KNDC1: variants seen among roughly 807,000 people sequenced by gnomAD.
KNDC1 encodes the protein kinase non-catalytic C-lobe domain containing 1, also known as kinase non-catalytic C-lobe domain-containing protein 1.
KNDC1 carries 106 observed loss-of-function variants against 172.8 expected under a neutral mutation model. The ratio of observed to expected loss-of-function variants is 0.61; its 90% CI spans 0.52 to 0.72. The LOEUF (loss-of-function observed/expected upper bound fraction) is 0.72, where lower values mean the gene tolerates loss of function less well. Ranked by LOEUF, KNDC1 falls within the 30% of genes least tolerant of loss-of-function variation. KNDC1 has a pLI of 0.00. For synonymous variants in KNDC1, 1,083 were observed against 1,062.2 expected, an observed-to-expected ratio of 1.02 and a Z score of -0.38; for missense variants, 2,325 against 2,394.5, an observed-to-expected ratio of 0.97 and a Z score of 0.61.
chr10:133,211,951 A>C, intron 23 of KNDC1, 93 bp downstream of exon 23: 1 of 1,285,642 alleles, frequency 7.8e-7, no homozygotes, highest in South Asian at 1.4e-5. Context: ...ATGCACACAC[A>C]TACACACAAG....
Position 133,198,788 on chromosome 10 carries a change from C to A in KNDC1, c.2280C>A (p.Cys760Ter). Residue 760 changes from cysteine to a stop codon, truncating the protein, a stop_gained, in exon 14 of 30, where the codon TGC becomes TGA. Coordinates refer to ENST00000304613, the MANE Select transcript of KNDC1 (RefSeq NM_152643.8). LOFTEE classifies it high-confidence loss of function. ...GTGACTCAGCCCAGGGCCGCCCCTG[C>A]CCTCCACCCCAGGCCCCAGCAAACC... ...VQRDSAQGRP[C>*]PPPQAPANQP... 1 of 1,589,408 alleles carries A rather than the reference C, an allele frequency of 6.3e-7. No individual in the cohort carries two copies. Among genetic ancestry groups the A allele is most frequent in the Admixed American group, 1.7e-5 (1 of 57,928 alleles).
intron 29 of KNDC1, among the ~76,000 whole-genome samples, chr10:133,222,295 AAACTT>A (rs1285887400): frequency 6.6e-6 from 1 of 151,798 alleles, no homozygotes; most frequent in African/African-American, 2.4e-5. Flanking sequence ...AAAAAAAAAA[AAACTT>A]AAGGTGATGC....
Position 133,213,976 on chromosome 10 carries a change from A to G in KNDC1, c.4531A>G (p.Ser1511Gly). The change falls in exon 26 of 30, where the codon AGC becomes GGC. Residue 1511 changes from serine to glycine, a missense_variant. Coordinates refer to ENST00000304613, the MANE Select transcript of KNDC1 (RefSeq NM_152643.8). ...GGGACCATATTTCTCTTCCAGAGCCAGCTCTTCTGAGTCTCTTTCGGCCAA... is the reference window on the plus strand; with the variant it reads ...GGGACCATATTTCTCTTCCAGAGCCGGCTCTTCTGAGTCTCTTTCGGCCAA... ...MDKSTAIPKA[S>G]SSESLSAKTC... is the part of the protein sequence containing the mutation. 6 of 1,614,176 alleles carry G rather than the reference A, an allele frequency of 3.7e-6. No homozygotes were observed. Among genetic ancestry groups the G allele is most frequent in the Non-Finnish European group, 5.1e-6 (6 of 1,179,986 alleles).
rs1221208762 is a variant in KNDC1, at chr10:133,207,165, A to G, written c.3608A>G (p.Glu1203Gly). 6.2e-7 allele frequency: 1 copy of G among 1,603,642 alleles called. No homozygotes were observed. The highest frequency in any genetic ancestry group is 2.2e-5 in the East Asian group (1 of 44,514). Residue 1203 changes from glutamate (E) to glycine (G), a missense_variant, in exon 20 of 30, where the codon GAG (glutamate) becomes GGG (glycine). Coordinates refer to ENST00000304613, the MANE Select transcript of KNDC1 (RefSeq NM_152643.8). ...ATGTACGCGGAACGCTGGGGCCTGG[A>G]GCCCTGCACCCTCCCAGTGATCGTG... is the stretch of plus-strand genomic sequence containing the variant. ...QVMYAERWGL[E>G]PCTLPVIVNI... is the part of the protein sequence containing the mutation.
At chr10:133,170,473 C>T (rs1853342373) in intron 3 of KNDC1, among the ~76,000 whole-genome samples, 1 of 152,180 alleles carries the variant, frequency 6.6e-6, no homozygotes, top group African/African-American at 2.4e-5. Context: ...CATCTCCTTC[C>T]TGCGTCATAG....
Position 133,198,671 on chromosome 10 carries a change from T to G in KNDC1, c.2163T>G (p.Ala721=). Residue 721 remains alanine (A), a synonymous_variant, in exon 14 of 30, where the codon GCT becomes GCG. Transcript: ENST00000304613. Reference sequence around the variant, plus strand: ...AGAAGCTCTCCCTGGAGGCCCACGCTGGGTCCCCCAGCCTGAAGACGCCTG... The same window carrying G: ...AGAAGCTCTCCCTGGAGGCCCACGCGGGGTCCCCCAGCCTGAAGACGCCTG... ...GEEKLSLEAH[A]GSPSLKTPDG... 1 of 1,594,572 alleles carries G rather than the reference T, an allele frequency of 6.3e-7. No homozygotes were observed. Among genetic ancestry groups the G allele is most frequent in the Non-Finnish European group, 8.5e-7 (1 of 1,171,824 alleles).
intron 13 of KNDC1, 25 bp downstream of exon 13, chr10:133,198,524 A>T: frequency 1.3e-6 from 2 of 1,588,674 alleles, no homozygotes; most frequent in South Asian, 1.1e-5. Flanking sequence ...CACACCCCGG[A>T]GCTGCTGGGT....
intron 3 of KNDC1, among the ~76,000 whole-genome samples, chr10:133,178,001 T>C (rs535083110): frequency 4.0e-5 from 6 of 148,938 alleles, no homozygotes; most frequent in Middle Eastern, 3.6e-3. Context: ...GGTGTGCATG[T>C]ATGTGGTGTG....
chr10:133,166,748 T>TGG (rs370750027), intron 1 of KNDC1, among the ~76,000 whole-genome samples: 403 of 150,500 alleles, frequency 2.7e-3, no homozygotes, highest in Admixed American at 5.2e-3. Context: ...TGCATGTGCA[T>TGG]GGGGGGGGTG....
chr10:133,216,025 A>G (rs1201509305), intron 26 of KNDC1, among the ~76,000 whole-genome samples: 2 of 152,278 alleles, frequency 1.3e-5, no homozygotes, highest in African/African-American at 4.8e-5. Context: ...TGTTAGAGCC[A>G]CGATGTCCTG....
At chr10:133,189,897 A>C in intron 9 of KNDC1, 84 bp downstream of exon 9, 10 of 1,070,468 alleles carry the variant, frequency 9.3e-6, no homozygotes, top group Non-Finnish European at 1.3e-5. Context: ...GCAGCCCCCC[A>C]TCAGGACTCG....
At chr10:133,167,659 CTG>C in intron 2 of KNDC1, 80 bp downstream of exon 2, 1 of 1,421,582 alleles carries the variant, frequency 7.0e-7, no homozygotes, top group Non-Finnish European at 9.6e-7. Flanking sequence ...AGCACTGGCT[CTG>C]CCGGAGCAGA....
rs751832792 is a variant in KNDC1 at position 133,198,815 on chromosome 10, G to A, written c.2307G>A (p.Gln769=). 4 of 1,597,816 alleles carry A rather than the reference G, an allele frequency of 2.5e-6. No individual in the cohort carries two copies. Among genetic ancestry groups the A allele is most frequent in the African/African-American group, 1.3e-5 (1 of 74,462 alleles). The change falls in exon 14 of 30, where the codon CAG becomes CAA. Residue 769 remains glutamine (Q), a synonymous_variant. Transcript: ENST00000304613. ...PCPPPQAPAN[Q]PEGASSAAPG... ...CTCCACCCCAGGCCCCAGCAAACCAGCCAGAGGGGGCCTCATCGGCAGCTC... is the reference window on the plus strand; with the variant it reads ...CTCCACCCCAGGCCCCAGCAAACCAACCAGAGGGGGCCTCATCGGCAGCTC...
intron 4 of KNDC1, 42 bp downstream of exon 4, chr10:133,183,532 AC>A: frequency 6.4e-7 from 1 of 1,561,352 alleles, no homozygotes; most frequent in East Asian, 2.3e-5. Flanking sequence ...TGTGACCCTG[AC>A]CCCACAGGCC....
intron 3 of KNDC1, among the ~76,000 whole-genome samples, chr10:133,169,042 A>G (rs1414207630): frequency 6.6e-6 from 1 of 152,228 alleles, no homozygotes; most frequent in African/African-American, 2.4e-5. Context: ...GGTGGTTCCT[A>G]CTGTCACGAA....
At chr10:133,217,068 T>C (rs1263190363) in intron 26 of KNDC1, among the ~76,000 whole-genome samples, 2 of 152,140 alleles carry the variant, frequency 1.3e-5, no homozygotes, top group African/African-American at 4.8e-5. Flanking sequence ...GAGTTTCCGT[T>C]TGGGAAGATG....
rs1358797761 is a variant in KNDC1 at position 133,199,086 on chromosome 10, C to A, written c.2578C>A (p.Pro860Thr). The change falls in exon 14 of 30, where the codon CCA (proline) becomes ACA (threonine). Residue 860 changes from proline to threonine, a missense_variant. By Grantham distance (38) the Pro-to-Thr change is conservative. Coordinates refer to ENST00000304613, the MANE Select transcript of KNDC1 (RefSeq NM_152643.8). ...TPAGERDDQS[P>T]DSVPERPRPA... ...TGCCGGGGAACGTGATGACCAGAGT[C>A]CAGACAGTGTCCCAGAGAGGCCGCG... 1.9e-6 allele frequency: 3 copies of A among 1,608,708 alleles called. No individual in the cohort carries two copies. The East Asian group carries it at 6.7e-5, about 36-fold the overall frequency.
intron 3 of KNDC1, among the ~76,000 whole-genome samples, chr10:133,177,738 G>T (rs1214287167): frequency 6.6e-6 from 1 of 151,914 alleles, no homozygotes; most frequent in East Asian, 1.9e-4. Flanking sequence ...GTGGCCACAT[G>T]AGTGTTGCAT....
At chr10:133,195,162 G>T (rs1854153205) in intron 9 of KNDC1, among the ~76,000 whole-genome samples, 1 of 152,242 alleles carries the variant, frequency 6.6e-6, no homozygotes, top group African/African-American at 2.4e-5. Flanking sequence ...CAAATGGTGT[G>T]CTGTGCATCC....
Sources: gnomAD v4.1 joint callset for allele counts (sites outside exome capture counted in the v4.1 genomes callset) on GRCh38, gnomAD v4.1.1 for gene constraint, MANE v1.5 for transcripts, NCBI Gene and HGNC (gene_info 2026-07-23, HGNC 2026-07-21) for gene names.